Variants in CSMD1 observed in about 807,000 individuals in gnomAD.
CSMD1 encodes the protein CUB and Sushi multiple domains 1.
Under a neutral mutation model 417.5 loss-of-function variants are expected in CSMD1, and 213 were observed. The ratio of observed to expected loss-of-function variants is 0.51; its 90% CI spans 0.46 to 0.57. The LOEUF is 0.57. CSMD1 is among the 20% of genes least tolerant of loss of function. The pLI is 0.00. For synonymous variants in CSMD1, 2,862 were observed against 1,736.8 expected, an observed-to-expected ratio of 1.65 and a Z score of -16.11; for missense variants, 6,923 against 4,529.7, an observed-to-expected ratio of 1.53 and a Z score of -15.17.
rs1563304011 is a variant in CSMD1, at chr8:3,354,919, C to CTATCTATAGATATCTA, written c.3304+4232_3304+4233insTAGATATCTATAGATA. 2.1e-5 allele frequency among the ~76,000 whole-genome samples: 3 copies of CTATCTATAGATATCTA among 141,572 alleles called. 1 individual carries two copies. The highest frequency in any genetic ancestry group is 5.5e-5 in the African/African-American group (2 of 36,628). 92.9% of individuals were successfully genotyped at this position (141,572 alleles called of 152,430 possible). On this transcript the variant is annotated intron_variant, in intron 21 of 69. Coordinates refer to ENST00000635120, the MANE Select transcript of CSMD1 (RefSeq NM_033225.6). ...TCTATAGATCTATCTATAGATATGT[C>CTATCTATAGATATCTA]TATCTATAGATATAGATATATATAG... is the stretch of plus-strand genomic sequence containing the variant.
At chr8:4,591,720 G>C (rs1300343205) in intron 2 of CSMD1, among the ~76,000 whole-genome samples, 2 of 152,154 alleles carry the variant, frequency 1.3e-5, no homozygotes, top group Admixed American at 6.5e-5. Context: ...AAATTGCAGA[G>C]AAGGTTTTAA....
chr8:4,038,914 C>A (rs1281053331), intron 3 of CSMD1, among the ~76,000 whole-genome samples: 1 of 152,134 alleles, frequency 6.6e-6, no homozygotes, highest in African/African-American at 2.4e-5. Flanking sequence ...CCCTCCGTAA[C>A]ACTTAATTTG....
chr8:3,367,279 G>T, intron 19 of CSMD1, 32 bp from the exon 20 acceptor site: 1 of 1,443,068 alleles, frequency 6.9e-7, no homozygotes, highest in Non-Finnish European at 9.6e-7. Context: ...GAGAGAGAGA[G>T]ACAGAGAGAG....
chr8:4,980,700 C>A (rs539571745), intron 1 of CSMD1, among the ~76,000 whole-genome samples: 142 of 152,088 alleles, frequency 9.3e-4, no homozygotes, highest in African/African-American at 3.3e-3. Flanking sequence ...ATCAGGAGTC[C>A]AAGACCAGCG....
chr8:4,846,704 C>T (rs993356250), intron 1 of CSMD1, among the ~76,000 whole-genome samples: 1 of 152,182 alleles, frequency 6.6e-6, no homozygotes, highest in Admixed American at 6.5e-5. Context: ...AACTTGGTCC[C>T]ATTTTAGATT....
intron 7 of CSMD1, among the ~76,000 whole-genome samples, chr8:3,628,778 T>A (rs1448932234): frequency 6.6e-6 from 1 of 152,146 alleles, no homozygotes; most frequent in Non-Finnish European, 1.5e-5. Context: ...GCCAAATTAT[T>A]AGTGGCTTCC....
intron 3 of CSMD1, among the ~76,000 whole-genome samples, chr8:4,219,487 C>T (rs755477534): frequency 1.6e-4 from 24 of 152,120 alleles, no homozygotes; most frequent in Admixed American, 7.2e-4. Flanking sequence ...AATTTCCTTC[C>T]GTCTCTTGGG....
At position 4,491,315 on chromosome 8, in the gene CSMD1, C is replaced by T. The variant is rs186080860; in HGVS notation, c.303-71250G>A. ...TGCCTGACGTGCCAAGGAGTGCAGC[C>T]TTATCTGGAAGGGGACAAGTCTGGG... On this transcript the variant is annotated intron_variant, in intron 2 of 69. Transcript: ENST00000635120. Among the ~76,000 whole-genome samples, 6 of 152,250 alleles carry T rather than the reference C, an allele frequency of 3.9e-5. No individual in the cohort carries two copies. In the East Asian group the frequency reaches 1.2e-3, roughly 29 times the overall value.
At chr8:4,979,634 T>C (rs1810764882) in intron 1 of CSMD1, among the ~76,000 whole-genome samples, 1 of 152,278 alleles carries the variant, frequency 6.6e-6, no homozygotes, top group South Asian at 2.1e-4. Context: ...TTGTTCTAAT[T>C]GGAGCAGTCC....
chr8:3,662,358 C>T (rs1798463049), intron 7 of CSMD1, among the ~76,000 whole-genome samples: 1 of 152,162 alleles, frequency 6.6e-6, no homozygotes, highest in Non-Finnish European at 1.5e-5. Context: ...CTCCCCACTC[C>T]TCCTCTCCTT....
At chr8:3,878,616 A>G (rs1290428611) in intron 5 of CSMD1, among the ~76,000 whole-genome samples, 1 of 152,210 alleles carries the variant, frequency 6.6e-6, no homozygotes, top group East Asian at 1.9e-4. Flanking sequence ...TGTAAGATCT[A>G]TCTCTGTTTA....
At chr8:4,158,441 A>G (rs1796959401) in intron 3 of CSMD1, among the ~76,000 whole-genome samples, 1 of 152,188 alleles carries the variant, frequency 6.6e-6, no homozygotes, top group Non-Finnish European at 1.5e-5. Context: ...ACAAAAAAAA[A>G]TCAAAGAAAC....
At chr8:4,840,557 A>G (rs1800784169) in intron 1 of CSMD1, among the ~76,000 whole-genome samples, 1 of 152,174 alleles carries the variant, frequency 6.6e-6, no homozygotes, top group Non-Finnish European at 1.5e-5. Context: ...AACTTCCCAG[A>G]GAAAGAAAAT....
chr8:3,300,490 G>A (rs190441972), intron 25 of CSMD1, among the ~76,000 whole-genome samples: 5 of 152,188 alleles, frequency 3.3e-5, no homozygotes, highest in East Asian at 1.9e-4. Context: ...AAGCTCAGGC[G>A]AGTGAAATGA....
At chr8:3,403,609 C>T (rs1324651837) in intron 15 of CSMD1, among the ~76,000 whole-genome samples, 1 of 152,140 alleles carries the variant, frequency 6.6e-6, no homozygotes, top group African/African-American at 2.4e-5. Flanking sequence ...TGCAATCAGC[C>T]TATTATGGTA....
chr8:3,194,787 A>G (rs1417512242), intron 33 of CSMD1, among the ~76,000 whole-genome samples: 2 of 152,086 alleles, frequency 1.3e-5, no homozygotes, highest in East Asian at 3.9e-4. Context: ...CTATATTTCC[A>G]TGAATGCTAA....
rs369808009 is a variant in CSMD1 at position 4,415,880 on chromosome 8, A to T, written c.415+4073T>A. Reference sequence around the variant, plus strand: ...GTAATATATACAAGAGGAAACAGTGAGTGTATAAGGATTGCAACTTCTGTA... The same window carrying T: ...GTAATATATACAAGAGGAAACAGTGTGTGTATAAGGATTGCAACTTCTGTA... On this transcript the variant is annotated intron_variant, in intron 3 of 69. Coordinates refer to ENST00000635120, the MANE Select transcript of CSMD1 (RefSeq NM_033225.6). Among the ~76,000 whole-genome samples the T allele has an allele frequency of 7.9e-5, 12 of 152,316 alleles. No individual in the cohort carries two copies. The East Asian group carries it at 1.4e-3, about 17-fold the overall frequency.
At chr8:4,255,906 G>C (rs932846706) in intron 3 of CSMD1, among the ~76,000 whole-genome samples, 3 of 152,180 alleles carry the variant, frequency 2.0e-5, no homozygotes, top group African/African-American at 4.8e-5. Flanking sequence ...TGAGGGCAGA[G>C]GTAGCCTTTG....
rs752355201 is a variant in CSMD1, at chr8:2,974,473, G to A, written c.8718C>T (p.Ser2906=). Residue 2906 remains serine, a synonymous_variant, in exon 56 of 70, where the codon AGC becomes AGT. Transcript: ENST00000635120. ...TRVCQEDSHW[S]GALPHCTGNN... ...CACCTGTGCAGTGGGGCAGTGCCCC[G>A]CTCCAGTGACTGTCTTCCTGGCACA... The A allele has an allele frequency of 2.5e-5, 40 of 1,610,436 alleles. No individual in the cohort carries two copies. The highest frequency in any genetic ancestry group is 8.4e-5 in the Admixed American group (5 of 59,738).
Sources: allele counts gnomAD v4.1 joint callset (sites outside exome capture counted in the v4.1 genomes callset), GRCh38; gene constraint gnomAD v4.1.1; transcripts MANE v1.5; gene names NCBI Gene and HGNC (gene_info 2026-07-23, HGNC 2026-07-21).